Variants in ATP10B observed in about 807,000 individuals in gnomAD.
ATP10B encodes ATPase phospholipid transporting 10B (putative), also known as phospholipid-transporting ATPase VB.
In ATP10B, 122 loss-of-function variants were observed where a neutral mutation model predicts 141.2. That is an observed-to-expected ratio of 0.86 (90% CI 0.75 to 1.00). ATP10B has a LOEUF of 1.00. Among genes scored for constraint, ATP10B ranks in the 50% least tolerant of loss-of-function variants. The pLI is 0.00. For missense variants in ATP10B, 1,876 were observed against 1,825.3 expected (o/e 1.03, Z -0.51); for synonymous variants, 685 against 692.0 (o/e 0.99, Z 0.16).
chr5:160,827,362 G>A (rs1774693420), intron 1 of ATP10B, among the ~76,000 whole-genome samples: 1 of 152,218 alleles, frequency 6.6e-6, no homozygotes, highest in Non-Finnish European at 1.5e-5. Flanking sequence ...TGACTGGTGT[G>A]AGATGGTATC....
chr5:160,788,600 T>G (rs565382219), intron 1 of ATP10B, among the ~76,000 whole-genome samples: 1 of 152,038 alleles, frequency 6.6e-6, no homozygotes. Flanking sequence ...AGGGTGGCTG[T>G]CAACTCCCTG....
intron 12 of ATP10B, 88 bp from the exon 13 acceptor site, chr5:160,632,455 A>G: frequency 1.6e-6 from 2 of 1,271,964 alleles, no homozygotes; most frequent in Non-Finnish European, 1.1e-6. Flanking sequence ...GGGGGTGGTA[A>G]GAGCATGGGA....
chr5:160,680,259 G>A (rs1763289592), intron 6 of ATP10B, among the ~76,000 whole-genome samples: 1 of 151,784 alleles, frequency 6.6e-6, no homozygotes, highest in Non-Finnish European at 1.5e-5. Flanking sequence ...AAATGGATAG[G>A]GCTAGGGCAT....
chr5:160,860,302 A>G, the ATP10B span, among the ~76,000 whole-genome samples: 1 of 151,960 alleles, frequency 6.6e-6, no homozygotes, highest in Non-Finnish European at 1.5e-5. Flanking sequence ...ACAAGAATAT[A>G]TTAAAAGATA....
At chr5:160,917,268 T>A in the ATP10B span, among the ~76,000 whole-genome samples, 11 of 110,042 alleles carry the variant, frequency 1.0e-4, no homozygotes, top group South Asian at 3.6e-3. Flanking sequence ...CTAGGGTACT[T>A]CTTTTTTTTT....
chr5:160,824,701 T>C (rs568746841), intron 1 of ATP10B, among the ~76,000 whole-genome samples: 27 of 152,346 alleles, frequency 1.8e-4, no homozygotes, highest in Non-Finnish European at 3.5e-4. Flanking sequence ...TGTTTGTATA[T>C]CTAAACATAA....
the ATP10B span, among the ~76,000 whole-genome samples, chr5:160,906,743 C>G: frequency 6.6e-6 from 1 of 152,104 alleles, no homozygotes; most frequent in Non-Finnish European, 1.5e-5. Flanking sequence ...TACCCAGTAC[C>G]GCCTCTCCTT....
At chr5:160,656,798 TATC>T (rs1238605569) in intron 7 of ATP10B, among the ~76,000 whole-genome samples, 3 of 152,100 alleles carry the variant, frequency 2.0e-5, no homozygotes, top group East Asian at 1.9e-4. Flanking sequence ...CATTAGGAAA[TATC>T]ATTCACGAAA....
intron 3 of ATP10B, among the ~76,000 whole-genome samples, chr5:160,693,455 C>CACAG (rs1561761329): frequency 1.4e-5 from 2 of 144,222 alleles, no homozygotes; most frequent in African/African-American, 2.6e-5. Context: ...CACACACACA[C>CACAG]AGTGGTATAG....
At chr5:160,758,488 C>T (rs569869587) in intron 2 of ATP10B, among the ~76,000 whole-genome samples, 1 of 152,296 alleles carries the variant, frequency 6.6e-6, no homozygotes, top group South Asian at 2.1e-4. Context: ...CTCTTGGTTC[C>T]TTTACAGGAG....
chr5:160,921,644 T>A, the ATP10B span, among the ~76,000 whole-genome samples: 3 of 152,248 alleles, frequency 2.0e-5, no homozygotes, highest in African/African-American at 7.2e-5. Flanking sequence ...CATTGTCCCA[T>A]TAAAGTAGTC....
At chr5:160,919,202 C>A in the ATP10B span, among the ~76,000 whole-genome samples, 1 of 98,126 alleles carries the variant, frequency 1.0e-5, no homozygotes, top group Non-Finnish European at 1.8e-5. Flanking sequence ...CCAGCCTGGG[C>A]GACAGAGCGA....
At chr5:160,638,948 T>A (rs552431718) in intron 10 of ATP10B, among the ~76,000 whole-genome samples, 1 of 152,308 alleles carries the variant, frequency 6.6e-6, no homozygotes, top group South Asian at 2.1e-4. Flanking sequence ...CACTCCTGTC[T>A]CCACCTCTCA....
At chr5:160,640,647 C>T in intron 9 of ATP10B, 55 bp from the exon 10 acceptor site, 2 of 1,591,668 alleles carry the variant, frequency 1.3e-6, no homozygotes, top group Middle Eastern at 1.7e-4. Flanking sequence ...CTATGTCTTA[C>T]ACCATTCCCT....
At chr5:160,823,789 G>A (rs559289924) in intron 1 of ATP10B, among the ~76,000 whole-genome samples, 26 of 152,118 alleles carry the variant, frequency 1.7e-4, no homozygotes, top group Middle Eastern at 3.4e-3. Context: ...AGCTGAGATC[G>A]CGGCGCTGCA....
At chr5:160,812,548 G>C (rs751493183) in intron 1 of ATP10B, among the ~76,000 whole-genome samples, 1 of 152,126 alleles carries the variant, frequency 6.6e-6, no homozygotes, top group Non-Finnish European at 1.5e-5. Context: ...ATTTTAAGAA[G>C]AGTTTGAAAT....
chr5:160,793,536 G>A (rs910426069), intron 1 of ATP10B, among the ~76,000 whole-genome samples: 3 of 152,154 alleles, frequency 2.0e-5, no homozygotes, highest in Non-Finnish European at 4.4e-5. Context: ...TCGTGTATGC[G>A]ATGGTAGTCC....
intron 2 of ATP10B, among the ~76,000 whole-genome samples, chr5:160,784,682 T>C (rs988855884): frequency 2.0e-5 from 3 of 152,136 alleles, no homozygotes; most frequent in Middle Eastern, 3.2e-3. Flanking sequence ...TCTTTCATTT[T>C]ACCCATGACT....
At chr5:160,595,125 G>C (rs1392758543) in intron 22 of ATP10B, among the ~76,000 whole-genome samples, 1 of 152,116 alleles carries the variant, frequency 6.6e-6, no homozygotes, top group South Asian at 2.1e-4. Flanking sequence ...TTCCAAAACT[G>C]ACCACATAGT....
Sources: gnomAD v4.1 joint callset for allele counts (sites outside exome capture counted in the v4.1 genomes callset) on GRCh38, gnomAD v4.1.1 for gene constraint, MANE v1.5 for transcripts, NCBI Gene and HGNC (gene_info 2026-07-23, HGNC 2026-07-21) for gene names.